Variants in L3MBTL4 observed in about 807,000 individuals in gnomAD.
The protein encoded by L3MBTL4 is lethal(3)malignant brain tumor-like protein 4.
In L3MBTL4, 70 loss-of-function variants were observed where a neutral mutation model predicts 84.5. The observed-to-expected ratio is 0.83, with a 90% confidence interval of 0.68 to 1.01. L3MBTL4 has a LOEUF of 1.01. Among genes scored for constraint, L3MBTL4 ranks in the 50% least tolerant of loss-of-function variants. L3MBTL4 has a pLI of 0.00. For missense variants in L3MBTL4, 715 were observed against 754.8 expected, an observed-to-expected ratio of 0.95 and a Z score of 0.62; for synonymous variants, 274 against 259.8, an observed-to-expected ratio of 1.05 and a Z score of -0.52.
intron 15 of L3MBTL4, chr18:6,082,516 T>C (rs2058114186): frequency 6.6e-6 from 1 of 152,092 alleles, no homozygotes; most frequent in Non-Finnish European, 1.5e-5. Context: ...AGAACAATTT[T>C]AGCTGTGTTT....
rs945765377 is a variant in L3MBTL4 at position 6,271,715 on chromosome 18, C to T, written c.128-7677G>A. On this transcript the variant is annotated intron_variant, in intron 4 of 18. Coordinates refer to ENST00000317931, the MANE Select transcript of L3MBTL4 (RefSeq NM_001330559.2). ...AGAAGAGCCGAGGTCAGGGGAGGCG[C>T]TTCCTCGCACCTGAGTGAGGTCGGG... Among the ~76,000 whole-genome samples the T allele has an allele frequency of 6.6e-5, 10 of 152,202 alleles. No homozygotes were observed. In the East Asian group the frequency reaches 1.7e-3, roughly 26 times the overall value.
At chr18:6,342,542 G>T (rs943115630) in intron 1 of L3MBTL4, among the ~76,000 whole-genome samples, 1 of 151,932 alleles carries the variant, frequency 6.6e-6, no homozygotes, top group Non-Finnish European at 1.5e-5. Flanking sequence ...TTTTATGTGA[G>T]CCTTATGGTA....
intron 10 of L3MBTL4, among the ~76,000 whole-genome samples, chr18:6,217,074 AT>A (rs748313828): frequency 2.6e-5 from 4 of 152,146 alleles, no homozygotes; most frequent in African/African-American, 9.7e-5. Context: ...TAAAATAAGT[AT>A]TTTTTTACAA....
chr18:6,346,207 TA>T (rs1332964261), intron 1 of L3MBTL4, among the ~76,000 whole-genome samples: 1 of 150,528 alleles, frequency 6.6e-6, no homozygotes, highest in East Asian at 1.9e-4. Context: ...ATTGAAGACT[TA>T]AATATAAGAC....
chr18:6,285,988 C>T (rs942889143), intron 4 of L3MBTL4, among the ~76,000 whole-genome samples: 42 of 151,564 alleles, frequency 2.8e-4, no homozygotes, highest in African/African-American at 9.2e-4. Flanking sequence ...CGTGCCACCA[C>T]GCCCAGCTAA....
chr18:6,207,226 G>A (rs1166626526), intron 12 of L3MBTL4, among the ~76,000 whole-genome samples: 2 of 152,170 alleles, frequency 1.3e-5, no homozygotes, highest in African/African-American at 2.4e-5. Flanking sequence ...TTACTGCAGA[G>A]ACCACATGGC....
intron 12 of L3MBTL4, among the ~76,000 whole-genome samples, chr18:6,208,419 G>A (rs879441577): frequency 1.3e-5 from 2 of 152,164 alleles, no homozygotes; most frequent in Non-Finnish European, 2.9e-5. Flanking sequence ...AATATGTCCA[G>A]TTAATGCATT....
chr18:6,350,431 G>T (rs936438496), intron 1 of L3MBTL4, among the ~76,000 whole-genome samples: 5 of 151,860 alleles, frequency 3.3e-5, no homozygotes, highest in Admixed American at 2.0e-4. Context: ...TGAAAAATGG[G>T]CAAAGAACTT....
chr18:6,168,526 T>G (rs1347107577), intron 13 of L3MBTL4, among the ~76,000 whole-genome samples: 1 of 152,138 alleles, frequency 6.6e-6, no homozygotes, highest in Non-Finnish European at 1.5e-5. Context: ...TAATGCTGCA[T>G]ATCTACAACT....
chr18:6,407,625 A>G (rs1266525760), intron 1 of L3MBTL4, among the ~76,000 whole-genome samples: 3 of 152,228 alleles, frequency 2.0e-5, no homozygotes, highest in African/African-American at 7.2e-5. Flanking sequence ...TAAATTTTCA[A>G]TAGAACCCAA....
chr18:5,958,418 C>T (rs1008952694), intron 18 of L3MBTL4, among the ~76,000 whole-genome samples: 1 of 152,194 alleles, frequency 6.6e-6, no homozygotes, highest in Non-Finnish European at 1.5e-5. Flanking sequence ...CATACCCTGA[C>T]CTGGCTAAGC....
chr18:6,360,196 C>T (rs2053622465), intron 1 of L3MBTL4, among the ~76,000 whole-genome samples: 1 of 151,998 alleles, frequency 6.6e-6, no homozygotes, highest in African/African-American at 2.4e-5. Context: ...ATAGTGAGAC[C>T]CCCATCACTA....
intron 4 of L3MBTL4, among the ~76,000 whole-genome samples, chr18:6,285,688 G>A (rs1212815876): frequency 6.6e-6 from 1 of 151,978 alleles, no homozygotes; most frequent in Non-Finnish European, 1.5e-5. Context: ...AGTTTTACCT[G>A]ATGGATACTG....
intron 10 of L3MBTL4, among the ~76,000 whole-genome samples, chr18:6,222,393 T>C (rs1025442531): frequency 6.6e-6 from 1 of 152,166 alleles, no homozygotes; most frequent in Non-Finnish European, 1.5e-5. Context: ...GAATACACTA[T>C]GTAAAGAAAT....
intron 16 of L3MBTL4, among the ~76,000 whole-genome samples, chr18:6,006,378 G>C (rs1266156562): frequency 6.6e-6 from 1 of 152,152 alleles, no homozygotes; most frequent in Non-Finnish European, 1.5e-5. Context: ...TAAGAACTAT[G>C]AGTCAAAGAA....
intron 4 of L3MBTL4, among the ~76,000 whole-genome samples, chr18:6,286,084 C>T (rs2049571743): frequency 6.6e-6 from 1 of 151,634 alleles, no homozygotes; most frequent in African/African-American, 2.4e-5. Flanking sequence ...CCCGCCTCGG[C>T]CTCCCAAAGT....
At chr18:6,098,549 T>C (rs1263922964) in intron 14 of L3MBTL4, among the ~76,000 whole-genome samples, 2 of 151,942 alleles carry the variant, frequency 1.3e-5, no homozygotes, top group East Asian at 1.9e-4. Context: ...TCGGGAAGAG[T>C]GTCAAGTTGT....
intron 16 of L3MBTL4, among the ~76,000 whole-genome samples, chr18:6,068,194 T>C (rs2057460064): frequency 6.6e-6 from 1 of 152,176 alleles, no homozygotes; most frequent in Admixed American, 6.5e-5. Flanking sequence ...CTCTTGAAGC[T>C]TATCTCATTC....
intron 1 of L3MBTL4, among the ~76,000 whole-genome samples, chr18:6,388,077 C>A (rs62079200): frequency 0.081 from 12,301 of 152,080 alleles, 535 homozygotes; most frequent in Non-Finnish European, 0.1. Context: ...CCCTTTTATA[C>A]CCATTAGATT....
Sources: allele counts gnomAD v4.1 joint callset (sites outside exome capture counted in the v4.1 genomes callset), GRCh38; gene constraint gnomAD v4.1.1; transcripts MANE v1.5; gene names NCBI Gene and HGNC (gene_info 2026-07-23, HGNC 2026-07-21).